Variants in NF1 observed in about 807,000 individuals in gnomAD.
NF1 encodes the protein neurofibromin 1, also known as neurofibromin.
In NF1, 122 loss-of-function variants were observed where a neutral mutation model predicts 325.7. That is an observed-to-expected ratio of 0.37 (90% CI 0.32 to 0.44). The LOEUF (loss-of-function observed/expected upper bound fraction) is 0.44. NF1 is among the 20% of genes least tolerant of loss of function. NF1 has a pLI of 1.00. For synonymous variants in NF1, 1,091 were observed against 1,186.0 expected, an observed-to-expected ratio of 0.92 and a Z score of 1.65; for missense variants, 2,140 against 3,415.4, an observed-to-expected ratio of 0.63 and a Z score of 9.31.
chr17:31,323,714 C>G (rs1295701920), intron 36 of NF1, among the ~76,000 whole-genome samples: 1 of 152,102 alleles, frequency 6.6e-6, no homozygotes, highest in African/African-American at 2.4e-5. Context: ...GTTTCTTTTC[C>G]TTTTTGCCTT....
intron 15 of NF1, chr17:31,222,207 A>G (rs563982788): frequency 1.5e-4 from 168 of 1,133,536 alleles, no homozygotes; most frequent in Middle Eastern, 1.5e-3. Context: ...TCAGATTTCA[A>G]TGTGGTTACT....
intron 54 of NF1, 184 bp from the exon 55 acceptor site, chr17:31,358,296 G>GACAC: frequency 1.6e-6 from 1 of 626,988 alleles, no homozygotes; most frequent in Non-Finnish European, 2.8e-6. Context: ...AACAAAAACA[G>GACAC]ACACACACAC....
chr17:31,273,842 C>T (rs751323862), intron 36 of NF1, among the ~76,000 whole-genome samples: 1 of 152,126 alleles, frequency 6.6e-6, no homozygotes, highest in Non-Finnish European at 1.5e-5. Flanking sequence ...CAGTGAATAG[C>T]ATTTGTTATT....
At chr17:31,144,664 C>T (rs12948406) in intron 1 of NF1, among the ~76,000 whole-genome samples, 9,610 of 152,236 alleles carry the variant, frequency 0.063, 401 homozygotes, top group Middle Eastern at 0.17. Flanking sequence ...CATGTGGCCT[C>T]GGCTTCTCAC....
chr17:31,184,647 CA>C lies in NF1; in HGVS notation c.888+1994del, dbSNP rs1181227983. ...CCTGGGCGACAGCGAGACTCCGTCT[CA>C]AAAAAAAAAAATAAAAAAAAAAAAT... is the stretch of plus-strand genomic sequence containing the variant. On this transcript the variant is annotated intron_variant, in intron 8 of 57. Coordinates refer to ENST00000358273, the MANE Select transcript of NF1 (RefSeq NM_001042492.3). Among the ~76,000 whole-genome samples, 555 of 72,710 alleles carry C rather than the reference CA, an allele frequency of 7.6e-3. 10 individuals carry two copies. Among genetic ancestry groups the C allele is most frequent in the East Asian group, 0.023 (57 of 2,484 alleles). The allele number at this position is 72,710 out of a possible 152,430, so 47.7% of individuals were successfully genotyped here.
intron 8 of NF1, among the ~76,000 whole-genome samples, chr17:31,194,088 C>T (rs1243059330): frequency 6.6e-6 from 1 of 152,120 alleles, no homozygotes; most frequent in Non-Finnish European, 1.5e-5. Context: ...TCTGTACTCC[C>T]ATGTTTATTG....
chr17:31,181,945 A>G (rs993431075), intron 7 of NF1, among the ~76,000 whole-genome samples, 160 bp downstream of exon 7: 4 of 151,950 alleles, frequency 2.6e-5, no homozygotes, highest in East Asian at 1.9e-4. Flanking sequence ...TTTCTCTTAC[A>G]TTTCTAAATT....
chr17:31,330,010 A>G (rs920751509), intron 38 of NF1, among the ~76,000 whole-genome samples: 2 of 152,164 alleles, frequency 1.3e-5, no homozygotes, highest in Non-Finnish European at 2.9e-5. Context: ...TTTATGTCTC[A>G]GTGAGATGTA....
intron 36 of NF1, chr17:31,318,223 A>AC: frequency 6.6e-7 from 1 of 1,511,982 alleles, no homozygotes; most frequent in Non-Finnish European, 8.8e-7. Context: ...GATAATCAGA[A>AC]CAACACTTTG....
chr17:31,240,457 C>T (rs2067276752), intron 29 of NF1, among the ~76,000 whole-genome samples: 2 of 152,182 alleles, frequency 1.3e-5, no homozygotes, highest in Non-Finnish European at 2.9e-5. Flanking sequence ...ATATGTACCA[C>T]AGTTTCTTTA....
In NF1 at chr17:31,265,211, C is replaced by G. The variant is rs2151469926; in HGVS notation, c.4725-18C>G. 1 of 1,543,604 alleles carries G rather than the reference C, an allele frequency of 6.5e-7. No individual in the cohort carries two copies. Among genetic ancestry groups the G allele is most frequent in the Non-Finnish European group, 9.0e-7 (1 of 1,116,850 alleles). ...GACAACATAAAGCCTCATAATTACT[C>G]TGTTATTTTTCTTTTAGGCATCAGG... On this transcript the variant is annotated intron_variant, in intron 35 of 57. Transcript: ENST00000358273.
At chr17:31,280,483 C>T (rs956467532) in intron 36 of NF1, among the ~76,000 whole-genome samples, 1 of 142,692 alleles carries the variant, frequency 7.0e-6, no homozygotes, top group African/African-American at 2.6e-5. Context: ...CGCCACTGCA[C>T]TCCAGCCTGA....
At chr17:31,352,899 A>C (rs185396321) in intron 51 of NF1, among the ~76,000 whole-genome samples, 17 of 152,126 alleles carry the variant, frequency 1.1e-4, no homozygotes, top group African/African-American at 4.1e-4. Context: ...AGAAAATAGG[A>C]TTCTTTTTTT....
At chr17:31,290,429 A>G (rs1157948077) in intron 36 of NF1, among the ~76,000 whole-genome samples, 1 of 152,098 alleles carries the variant, frequency 6.6e-6, no homozygotes, top group African/African-American at 2.4e-5. Context: ...TTCTTTCCAC[A>G]GCTAACAATG....
chr17:31,244,719 A>G (rs1332514023), intron 29 of NF1, among the ~76,000 whole-genome samples: 2 of 152,168 alleles, frequency 1.3e-5, no homozygotes, highest in African/African-American at 2.4e-5. Flanking sequence ...AAGTCAAGAC[A>G]GTTTTTCCTA....
intron 36 of NF1, among the ~76,000 whole-genome samples, chr17:31,279,553 TC>T (rs2068077653): frequency 6.9e-6 from 1 of 145,346 alleles, no homozygotes; most frequent in South Asian, 2.1e-4. Context: ...GAGCTCAGAA[TC>T]CAGTCTGGGC....
intron 1 of NF1, among the ~76,000 whole-genome samples, chr17:31,124,991 A>G (rs937911030): frequency 1.4e-4 from 21 of 151,536 alleles, no homozygotes; most frequent in Admixed American, 1.4e-3. Context: ...AAAAAAAAAC[A>G]TGGTGAACTC....
chr17:31,106,965 A>C (rs1912914134), intron 1 of NF1, among the ~76,000 whole-genome samples: 1 of 152,186 alleles, frequency 6.6e-6, no homozygotes, highest in Non-Finnish European at 1.5e-5. Context: ...TTTTACTTAG[A>C]GTTTGATTAC....
intron 1 of NF1, among the ~76,000 whole-genome samples, chr17:31,098,612 G>C (rs1911991558): frequency 1.3e-5 from 2 of 152,240 alleles, no homozygotes; most frequent in South Asian, 4.1e-4. Context: ...AAAAAGCCCT[G>C]CATGTACTGA....
Sources: gnomAD v4.1 joint callset for allele counts (sites outside exome capture counted in the v4.1 genomes callset) on GRCh38, gnomAD v4.1.1 for gene constraint, MANE v1.5 for transcripts, NCBI Gene and HGNC (gene_info 2026-07-23, HGNC 2026-07-21) for gene names.